Variants in XKR9 observed in about 807,000 individuals in gnomAD.
The protein encoded by XKR9 is XK related 9.
Under a neutral mutation model 32.0 loss-of-function variants are expected in XKR9, and 32 were observed. That is an observed-to-expected ratio of 1.00 (90% CI 0.76 to 1.34). XKR9 has a LOEUF of 1.34. Ranked by LOEUF, XKR9 falls within the 40% of genes most tolerant of loss-of-function variation. The pLI is 0.00. For missense variants in XKR9, 546 were observed against 429.7 expected, an observed-to-expected ratio of 1.27 and a Z score of -2.39; for synonymous variants, 168 against 143.4, an observed-to-expected ratio of 1.17 and a Z score of -1.22.
At chr8:70,920,413 C>T in the XKR9 span, among the ~76,000 whole-genome samples, 1 of 152,088 alleles carries the variant, frequency 6.6e-6, no homozygotes. Context: ...CCTATTTTAA[C>T]TTTCATTACG....
the XKR9 span, among the ~76,000 whole-genome samples, chr8:70,834,775 C>G: frequency 6.6e-6 from 1 of 152,062 alleles, no homozygotes; most frequent in Admixed American, 6.6e-5. Flanking sequence ...TTTTTCCATG[C>G]TATAGTTTAA....
chr8:70,731,463 T>A (rs1232097270), intron 4 of XKR9, among the ~76,000 whole-genome samples: 2 of 152,202 alleles, frequency 1.3e-5, no homozygotes, highest in Non-Finnish European at 2.9e-5. Context: ...ACCTTTTCTG[T>A]TTTATGGAAC....
intron 4 of XKR9, among the ~76,000 whole-genome samples, chr8:70,726,623 C>T (rs554246027): frequency 6.6e-6 from 1 of 152,160 alleles, no homozygotes; most frequent in Non-Finnish European, 1.5e-5. Context: ...ATTCTGAGGA[C>T]AAATTACAAT....
At chr8:70,990,656 C>T in the XKR9 span, among the ~76,000 whole-genome samples, 1 of 151,496 alleles carries the variant, frequency 6.6e-6, no homozygotes, top group Non-Finnish European at 1.5e-5. Context: ...GTTTCCGTTC[C>T]AATCCTTTAA....
chr8:70,757,410 C>T lies in XKR9; in HGVS notation n.353-31929C>T, dbSNP rs570490700. Among the ~76,000 whole-genome samples, 7 of 152,178 alleles carry T rather than the reference C, an allele frequency of 4.6e-5. No homozygotes were observed. The South Asian group carries it at 1.5e-3, about 32-fold the overall frequency. On this transcript the variant is annotated intron_variant and non_coding_transcript_variant, in intron 2 of 3. Transcript: ENST00000520273. ...AGTTCAAACATCCTGTTGAGACCTT[C>T]TAGCAAATAAATTATTTCAGTTATT...
At chr8:70,880,174 A>G in the XKR9 span, among the ~76,000 whole-genome samples, 1 of 152,220 alleles carries the variant, frequency 6.6e-6, no homozygotes, top group Non-Finnish European at 1.5e-5. Context: ...ATCATACTGA[A>G]TGGGCAAAAA....
chr8:71,043,995 G>A, the XKR9 span, among the ~76,000 whole-genome samples: 1 of 152,016 alleles, frequency 6.6e-6, no homozygotes, highest in African/African-American at 2.4e-5. Flanking sequence ...CTGATTCCAG[G>A]GCAATTAGCT....
chr8:70,765,501 A>C (rs1446629274), intron 2 of XKR9, among the ~76,000 whole-genome samples: 2 of 152,234 alleles, frequency 1.3e-5, no homozygotes, highest in South Asian at 2.1e-4. Context: ...ATATTGCAAA[A>C]ATTTTCTCCC....
chr8:71,034,602 C>T, the XKR9 span, among the ~76,000 whole-genome samples: 2 of 152,074 alleles, frequency 1.3e-5, no homozygotes, highest in East Asian at 1.9e-4. Context: ...GTAAGTTACC[C>T]GAAGAGGCCA....
intron 3 of XKR9, among the ~76,000 whole-genome samples, chr8:70,699,036 G>A (rs1032228463): frequency 4.6e-5 from 7 of 152,008 alleles, no homozygotes; most frequent in African/African-American, 1.7e-4. Context: ...CCATTTGCTT[G>A]GTAGATCTTC....
the XKR9 span, among the ~76,000 whole-genome samples, chr8:70,881,878 A>G: frequency 6.6e-6 from 1 of 152,238 alleles, no homozygotes; most frequent in African/African-American, 2.4e-5. Flanking sequence ...ATGTCCATCA[A>G]TGATAGACTT....
chr8:71,006,863 C>T, the XKR9 span, among the ~76,000 whole-genome samples: 6 of 152,120 alleles, frequency 3.9e-5, no homozygotes, highest in Admixed American at 6.5e-5. Flanking sequence ...GTTTTAGACA[C>T]TAAGAAAATT....
chr8:70,972,901 T>C, the XKR9 span, among the ~76,000 whole-genome samples: 2 of 152,174 alleles, frequency 1.3e-5, no homozygotes, highest in Non-Finnish European at 2.9e-5. Context: ...TCTATGCTTA[T>C]CAGGGATAAT....
In XKR9 at chr8:70,734,262, T is replaced by G. The variant is rs1290023065; in HGVS notation, c.960T>G (p.Pro320=). Residue 320 remains proline (P), a synonymous_variant, in exon 5 of 5, where the codon CCT becomes CCG. Coordinates refer to ENST00000408926, the MANE Select transcript of XKR9 (RefSeq NM_001011720.2). ...LTIFNPDYFI[P]ISITIVLTLL... is the part of the protein sequence containing the mutation. The stretch of plus-strand genomic sequence containing the variant: ...TTTTTAATCCAGACTATTTTATACC[T>G]ATCAGTATAACTATAGTTCTTACTC... 7 of 1,612,612 alleles carry G rather than the reference T, an allele frequency of 4.3e-6. No homozygotes were observed. The highest frequency in any genetic ancestry group is 5.9e-6 in the Non-Finnish European group (7 of 1,179,196).
the XKR9 span, among the ~76,000 whole-genome samples, chr8:70,906,143 C>T: frequency 1.3e-5 from 2 of 152,174 alleles, no homozygotes; most frequent in East Asian, 3.9e-4. Context: ...AGAAGCACTA[C>T]TCTCTTCAAA....
intron 2 of XKR9, among the ~76,000 whole-genome samples, chr8:70,768,830 A>G: frequency 6.6e-6 from 1 of 151,572 alleles, no homozygotes; most frequent in Admixed American, 6.6e-5. Context: ...GTGTCTTTGC[A>G]CATGAGATGG....
At chr8:70,709,107 G>A (rs376545860) in intron 4 of XKR9, among the ~76,000 whole-genome samples, 5 of 152,222 alleles carry the variant, frequency 3.3e-5, no homozygotes, top group African/African-American at 9.6e-5. Context: ...ACATGATCAA[G>A]TAGGCTTTAT....
the XKR9 span, among the ~76,000 whole-genome samples, chr8:70,803,949 A>G: frequency 6.6e-6 from 1 of 152,182 alleles, no homozygotes; most frequent in South Asian, 2.1e-4. Context: ...AACCAGTGGC[A>G]GGGATAGGTG....
chr8:70,861,183 G>T, the XKR9 span, among the ~76,000 whole-genome samples: 1 of 152,108 alleles, frequency 6.6e-6, no homozygotes, highest in Non-Finnish European at 1.5e-5. Flanking sequence ...TCAAAGACAG[G>T]CAACTCTTCA....
Sources: allele counts gnomAD v4.1 joint callset (sites outside exome capture counted in the v4.1 genomes callset), GRCh38; gene constraint gnomAD v4.1.1; transcripts MANE v1.5; gene names NCBI Gene and HGNC (gene_info 2026-07-23, HGNC 2026-07-21).